Variants in ZNF317 observed in about 807,000 individuals in gnomAD.
The protein encoded by ZNF317 is zinc finger protein 317, also known as KRAB-containing zinc finger protein 317.
In ZNF317, 17 loss-of-function variants were observed where a neutral mutation model predicts 23.4. The observed-to-expected ratio is 0.73, with a 90% CI of 0.50 to 1.09. ZNF317 has a LOEUF of 1.09. ZNF317 is among the 50% of genes least tolerant of loss of function. The pLI is 0.00. For missense variants in ZNF317, 679 were observed against 796.7 expected, an observed-to-expected ratio of 0.85 and a Z score of 1.78; for synonymous variants, 317 against 314.9, an observed-to-expected ratio of 1.01 and a Z score of -0.07.
rs566513253 is a variant in ZNF317, at chr19:9,157,681, C to CTTTTTTT, written c.290-284_290-278dup. On this transcript the variant is annotated intron_variant, in intron 4 of 6. Coordinates refer to ENST00000247956, the MANE Select transcript of ZNF317 (RefSeq NM_020933.5). ...GTACTTGTGATCTTATTTCCTATTT[C>CTTTTTTT]TTTTTTTTTTTTTTTTTTTTTATTT... 210 of 346,314 alleles carry CTTTTTTT rather than the reference C, an allele frequency of 6.1e-4. 1 individual carries two copies. The highest frequency in any genetic ancestry group is 1.1e-3 in the South Asian group (12 of 10,548). 21.5% of individuals were successfully genotyped at this position (346,314 alleles called of 1,614,324 possible).
chr19:9,140,548 G>A lies in ZNF317; in HGVS notation c.-137G>A, dbSNP rs1311881055. On this transcript the variant is annotated 5_prime_UTR_variant, in exon 1 of 7. Transcript: ENST00000247956. ...CGTATGAACTTCTCTTCGCATCGGCGGCGGCTTCCGTCACCTCCGCTCCCC... is the reference window on the plus strand; with the variant it reads ...CGTATGAACTTCTCTTCGCATCGGCAGCGGCTTCCGTCACCTCCGCTCCCC... 2.2e-6 allele frequency: 1 copy of A among 456,568 alleles called. No individual in the cohort carries two copies. Among genetic ancestry groups the A allele is most frequent in the Non-Finnish European group, 4.4e-6 (1 of 226,932 alleles). 28.3% of individuals were successfully genotyped at this position (456,568 alleles called of 1,614,324 possible).
chr19:9,149,486 G>C (rs2145946068), intron 1 of ZNF317, among the ~76,000 whole-genome samples: 1 of 152,128 alleles, frequency 6.6e-6, no homozygotes, highest in Middle Eastern at 3.4e-3. Flanking sequence ...GAAAAGAAAA[G>C]AGTGGCCAGT....
At position 9,160,123 on chromosome 19, in the gene ZNF317, G is replaced by A. The variant is rs148824191; in HGVS notation, c.478G>A (p.Gly160Ser). Residue 160 changes from glycine to serine, a missense_variant, in exon 7 of 7, where the codon GGT (glycine) becomes AGT (serine). By Grantham distance (56) the Gly-to-Ser change is moderately conservative (BLOSUM62 0). Coordinates refer to ENST00000247956, the MANE Select transcript of ZNF317 (RefSeq NM_020933.5). This position sits in a 1 kb window ranked among gnomAD's most constrained non-coding sequence, Gnocchi z 6.8. ...TPSGVTMERAGLGEKSTEYAH... is the reference protein window; with the variant it reads ...TPSGVTMERASLGEKSTEYAH... ...ACGTCTTAACCAACAGGAAAGAGCCGGTCTTGGAGAGAAGTCCACTGAATA... is the reference window on the plus strand; with the variant it reads ...ACGTCTTAACCAACAGGAAAGAGCCAGTCTTGGAGAGAAGTCCACTGAATA... 1.9e-5 allele frequency: 30 copies of A among 1,613,718 alleles called. No individual in the cohort carries two copies. The African/African-American group carries it at 2.0e-4, about 11-fold the overall frequency.
chr19:9,147,183 G>C (rs920016047), intron 1 of ZNF317, among the ~76,000 whole-genome samples: 1 of 152,118 alleles, frequency 6.6e-6, no homozygotes, highest in South Asian at 2.1e-4. Flanking sequence ...AATGAGAATA[G>C]AGTAAGATGT....
chr19:9,159,409 A>ATG (rs1354553274), intron 6 of ZNF317, among the ~76,000 whole-genome samples: 1 of 143,822 alleles, frequency 7.0e-6, no homozygotes, highest in Non-Finnish European at 1.5e-5. Flanking sequence ...GGATTTCACC[A>ATG]TGTTGCCCAG....
At chr19:9,152,342 A>G (rs778471628) in intron 1 of ZNF317, among the ~76,000 whole-genome samples, 1 of 152,304 alleles carries the variant, frequency 6.6e-6, no homozygotes, top group Non-Finnish European at 1.5e-5. Context: ...TTGATCCCCA[A>G]GCCCTGGGCC....
At chr19:9,141,964 C>A (rs920236490) in intron 1 of ZNF317, among the ~76,000 whole-genome samples, 4 of 152,076 alleles carry the variant, frequency 2.6e-5, no homozygotes, top group African/African-American at 9.7e-5. Flanking sequence ...CACCACCACA[C>A]CCAGCTAAAT....
chr19:9,157,487 A>G, intron 4 of ZNF317, 93 bp downstream of exon 4: 1 of 1,524,574 alleles, frequency 6.6e-7, no homozygotes, highest in Non-Finnish European at 8.9e-7. Context: ...GCAGCGGTTC[A>G]GAACGCAGCT....
Position 9,154,917 on chromosome 19 carries a change from T to A in ZNF317, c.-92-1008T>A, listed in dbSNP as rs28645943. On this transcript the variant is annotated intron_variant, in intron 1 of 6. Coordinates refer to ENST00000247956, the MANE Select transcript of ZNF317 (RefSeq NM_020933.5). ...TTTATTTTGGCTGTTCTAGTTTTAA[T>A]TTGCATTTCTCTAATGACTATGATA... Among the ~76,000 whole-genome samples, 939 of 152,342 alleles carry A rather than the reference T, an allele frequency of 6.2e-3. 12 individuals are homozygous for A. Among genetic ancestry groups the A allele is most frequent in the African/African-American group, 0.022 (913 of 41,570 alleles).
At chr19:9,150,143 G>C (rs936463255) in intron 1 of ZNF317, among the ~76,000 whole-genome samples, 3 of 152,150 alleles carry the variant, frequency 2.0e-5, no homozygotes, top group African/African-American at 7.2e-5. Context: ...GTTGGCTGTT[G>C]CAGTAGGGAT....
chr19:9,142,986 T>G (rs1465716377), intron 1 of ZNF317, among the ~76,000 whole-genome samples: 4 of 152,216 alleles, frequency 2.6e-5, no homozygotes, highest in Admixed American at 6.5e-5. Context: ...ATTTTGTTCC[T>G]TAGAACGGGA....
chr19:9,158,363 C>CTT (rs200591339), intron 5 of ZNF317, among the ~76,000 whole-genome samples: 1,234 of 76,452 alleles, frequency 0.016, 226 homozygotes, highest in African/African-American at 0.058. Flanking sequence ...TTTCTTTTTT[C>CTT]TTTTTTTTTT....
In ZNF317 at chr19:9,144,527, A is replaced by G. The variant is rs115498064; in HGVS notation, c.-93+3935A>G. 8.8e-3 allele frequency among the ~76,000 whole-genome samples: 1,343 copies of G among 151,828 alleles called. 18 individuals carry two copies. Among genetic ancestry groups the G allele is most frequent in the African/African-American group, 0.031 (1,291 of 41,390 alleles). On this transcript the variant is annotated intron_variant, in intron 1 of 6. Transcript: ENST00000247956. ...TGTACATTTTGAATTTATTTACTCTATTATTTCAGTGGTTGTTCTAAATAA... is the reference window on the plus strand; with the variant it reads ...TGTACATTTTGAATTTATTTACTCTGTTATTTCAGTGGTTGTTCTAAATAA...
chr19:9,158,704 T>C (rs928906150), intron 5 of ZNF317, 122 bp from the exon 6 acceptor site: 3 of 683,768 alleles, frequency 4.4e-6, no homozygotes, highest in Non-Finnish European at 7.7e-6. Flanking sequence ...TTTTTAACAA[T>C]TGCTTTTGCA....
Position 9,144,895 on chromosome 19 carries a change from G to A in ZNF317, c.-93+4303G>A, listed in dbSNP as rs527806168. Among the ~76,000 whole-genome samples the A allele has an allele frequency of 2.0e-4, 31 of 151,778 alleles. 1 individual carries two copies. The South Asian group carries it at 6.3e-3, about 31-fold the overall frequency. On this transcript the variant is annotated intron_variant, in intron 1 of 6. Transcript: ENST00000247956. ...TGGGTTGCAAGCCCACAGGAACTTT[G>A]TTTTTTGGTGCTCAGAAAACACCTC...
intron 1 of ZNF317, among the ~76,000 whole-genome samples, chr19:9,141,887 C>CG (rs1568309595): frequency 6.6e-6 from 1 of 152,140 alleles, no homozygotes; most frequent in Non-Finnish European, 1.5e-5. Context: ...CTCACTGCAA[C>CG]CTCTGTCTCC....
chr19:9,142,908 G>C (rs182486919), intron 1 of ZNF317, among the ~76,000 whole-genome samples: 1 of 152,168 alleles, frequency 6.6e-6, no homozygotes, highest in Non-Finnish European at 1.5e-5. Context: ...ATTTATGCCA[G>C]CCTCATAAAA....
intron 1 of ZNF317, among the ~76,000 whole-genome samples, chr19:9,146,579 C>T (rs907020652): frequency 6.6e-6 from 1 of 151,870 alleles, no homozygotes; most frequent in African/African-American, 2.4e-5. Flanking sequence ...AGGCATGTGC[C>T]ACCATGCCTG....
At chr19:9,154,536 A>G (rs1290749422) in intron 1 of ZNF317, among the ~76,000 whole-genome samples, 1 of 152,028 alleles carries the variant, frequency 6.6e-6, no homozygotes, top group Non-Finnish European at 1.5e-5. Flanking sequence ...GGATTTCTCC[A>G]TGTAGTGTGT....
Sources: allele counts gnomAD v4.1 joint callset (sites outside exome capture counted in the v4.1 genomes callset), GRCh38; gene constraint gnomAD v4.1.1; non-coding constraint Gnocchi (gnomAD v3.1); transcripts MANE v1.5; gene names NCBI Gene and HGNC (gene_info 2026-07-23, HGNC 2026-07-21).